Variants in MIA2 observed in about 807,000 individuals in gnomAD.
MIA2 encodes melanoma inhibitory activity protein 2.
A neutral mutation model predicts 167.8 loss-of-function variants in MIA2; 127 were observed. The ratio of observed to expected loss-of-function variants is 0.76; its 90% CI spans 0.66 to 0.88. MIA2 has a LOEUF of 0.88. Ranked by LOEUF, MIA2 falls within the 40% of genes least tolerant of loss-of-function variation. The probability of loss-of-function intolerance (pLI) is 0.00; values close to 1 mark genes in which losing one functional copy is unlikely to be tolerated. For synonymous variants in MIA2, 552 were observed against 541.9 expected (o/e 1.02, Z -0.26); for missense variants, 1,690 against 1,624.7 (o/e 1.04, Z -0.69).
chr14:39,292,577 AAAC>A, intron 10 of MIA2: 1 of 182,462 alleles, frequency 5.5e-6, no homozygotes, highest in Non-Finnish European at 1.2e-5. Context: ...TAATATGTAT[AAAC>A]AAGTTTTTAA....
chr14:39,320,402 A>T, intron 23 of MIA2, among the ~76,000 whole-genome samples: 1 of 152,170 alleles, frequency 6.6e-6, no homozygotes, highest in East Asian at 1.9e-4. Flanking sequence ...TTTACTGGTA[A>T]TGAATCAAAA....
At chr14:39,292,256 A>G (rs979509877) in intron 10 of MIA2, among the ~76,000 whole-genome samples, 1 of 152,222 alleles carries the variant, frequency 6.6e-6, no homozygotes, top group Non-Finnish European at 1.5e-5. Flanking sequence ...GTAGGTAGCA[A>G]AGACATTTAC....
chr14:39,329,630 T>A, intron 25 of MIA2, among the ~76,000 whole-genome samples: 1 of 150,372 alleles, frequency 6.7e-6, no homozygotes, highest in African/African-American at 2.5e-5. Flanking sequence ...TGAGATATGT[T>A]CCATCACTAC....
At position 39,300,079 on chromosome 14, in the gene MIA2, C is replaced by T. The variant is rs375962936; in HGVS notation, c.2619+93C>T. Reference sequence around the variant, plus strand: ...GCTAGTTTTTAGCAACTTTTATTTTCACAACATATTTTCATAACATATTTG... The same window carrying T: ...GCTAGTTTTTAGCAACTTTTATTTTTACAACATATTTTCATAACATATTTG... On this transcript the variant is annotated intron_variant, in intron 14 of 28. Transcript: ENST00000640607. 3.1e-5 allele frequency: 46 copies of T among 1,470,316 alleles called. No individual in the cohort carries two copies. In the East Asian group the frequency reaches 7.8e-4, roughly 25 times the overall value. The allele number at this position is 1,470,316 out of a possible 1,614,324, so 91.1% of individuals were successfully genotyped here. A position where few individuals can be genotyped will look rare whatever the true frequency, so the allele number is the denominator to read the frequency against.
chr14:39,234,241 T>C lies in MIA2; in HGVS notation c.115+12T>C. ...CTTGGAATGTGAAGGTAAGTTTGCT[T>C]CCCCCGCTTCTTCTCCTCCTAAATT... On this transcript the variant is annotated intron_variant, in intron 1 of 28. Transcript: ENST00000640607. The C allele has an allele frequency of 6.5e-7, 1 of 1,537,768 alleles. No individual in the cohort carries two copies. Among genetic ancestry groups the C allele is most frequent in the Non-Finnish European group, 8.9e-7 (1 of 1,117,580 alleles).
chr14:39,315,324 T>TA (rs1413856642), intron 20 of MIA2: 1 of 166,750 alleles, frequency 6.0e-6, no homozygotes, highest in Non-Finnish European at 1.3e-5. Context: ...AAAAATAAAA[T>TA]AAATAAAATT....
chr14:39,277,709 TA>T (rs2058277978), intron 7 of MIA2, among the ~76,000 whole-genome samples: 2 of 7,034 alleles, frequency 2.8e-4, no homozygotes, highest in Non-Finnish European at 4.9e-4. Flanking sequence ...TATATATATA[TA>T]TATATGTGTG....
At chr14:39,235,300 G>T (rs994105472) in intron 1 of MIA2, among the ~76,000 whole-genome samples, 2 of 152,000 alleles carry the variant, frequency 1.3e-5, no homozygotes, top group Non-Finnish European at 2.9e-5. Flanking sequence ...AAGATTACAG[G>T]CATAAGCCAC....
intron 14 of MIA2, among the ~76,000 whole-genome samples, chr14:39,301,007 TAC>T (rs1566819517): frequency 4.1e-5 from 6 of 144,658 alleles, no homozygotes; most frequent in Admixed American, 1.4e-4. Context: ...TATACATATA[TAC>T]ACATATATAC....
At position 39,318,009 on chromosome 14, in the gene MIA2, A is replaced by G; in HGVS notation, c.3282A>G (p.Gln1094=). 1 of 1,576,206 alleles carries G rather than the reference A, an allele frequency of 6.3e-7. No homozygotes were observed. The highest frequency in any genetic ancestry group is 8.6e-7 in the Non-Finnish European group (1 of 1,164,608). Residue 1094 remains glutamine, a splice_region_variant and synonymous_variant, in exon 22 of 29, where the codon CAA becomes CAG. Coordinates refer to ENST00000640607, the MANE Select transcript of MIA2 (RefSeq NM_001329214.4). ...DLRKENAHNR[Q]KLTETELKFE... ...GGAAAGAAAATGCTCACAACAGACA[A>G]AAGTAAGTATCTTAGTGGGAACATT...
intron 25 of MIA2, among the ~76,000 whole-genome samples, chr14:39,332,586 T>C (rs890252331): frequency 3.9e-5 from 6 of 152,202 alleles, no homozygotes; most frequent in South Asian, 2.1e-4. Flanking sequence ...TTATTTACCA[T>C]TGGTCTTTGC....
chr14:39,326,543 G>C (rs73277502), intron 24 of MIA2, among the ~76,000 whole-genome samples: 2,743 of 151,516 alleles, frequency 0.018, 95 homozygotes, highest in African/African-American at 0.063. Flanking sequence ...AAGGAATCAT[G>C]CTCATTTGGA....
At chr14:39,325,787 C>T (rs568155260) in intron 24 of MIA2, among the ~76,000 whole-genome samples, 2 of 151,684 alleles carry the variant, frequency 1.3e-5, no homozygotes, top group Admixed American at 6.6e-5. Context: ...GATCTTGGCT[C>T]ACTGCAACCT....
intron 18 of MIA2, among the ~76,000 whole-genome samples, chr14:39,309,127 C>A (rs1237522002): frequency 6.6e-6 from 1 of 152,168 alleles, no homozygotes; most frequent in Non-Finnish European, 1.5e-5. Flanking sequence ...TTTTTACCAT[C>A]TTCCATATTA....
Position 39,247,957 on chromosome 14 carries a change from G to A in MIA2, c.1383G>A (p.Leu461=). 6.3e-7 allele frequency: 1 copy of A among 1,597,444 alleles called. No individual in the cohort carries two copies. Among genetic ancestry groups the A allele is most frequent in the Non-Finnish European group, 8.5e-7 (1 of 1,176,284 alleles). ...SDTIPYLKKF[L]YNFDNPWNFQ... ...CTATACCATATTTGAAAAAGTTCTT[G>A]TATAATTTTGACAACCCTTGGAACT... Residue 461 remains leucine (L), a synonymous_variant, in exon 4 of 29, where the codon TTG becomes TTA. Transcript: ENST00000640607.
chr14:39,279,246 G>C, intron 7 of MIA2, 91 bp from the exon 8 acceptor site: 1 of 1,046,296 alleles, frequency 9.6e-7, no homozygotes, highest in Non-Finnish European at 1.4e-6. Context: ...TAAGAAACCT[G>C]TATTTCTAAG....
chr14:39,342,359 G>A (rs1259650008), intron 25 of MIA2, among the ~76,000 whole-genome samples: 1 of 152,100 alleles, frequency 6.6e-6, no homozygotes, highest in South Asian at 2.1e-4. Context: ...TTTTATGGCT[G>A]CATAGTATTC....
intron 10 of MIA2, among the ~76,000 whole-genome samples, chr14:39,292,947 C>T (rs187665652): frequency 1.3e-5 from 2 of 151,958 alleles, no homozygotes; most frequent in African/African-American, 4.8e-5. Context: ...CTAATGGGCT[C>T]TCCACTTTTT....
At chr14:39,266,869 C>G (rs1334344179) in intron 6 of MIA2, 4 of 758,414 alleles carry the variant, frequency 5.3e-6, no homozygotes, top group Admixed American at 6.2e-5. Context: ...CGAGACGCCT[C>G]TAGGAGAAGT....
Sources: allele counts gnomAD v4.1 joint callset (sites outside exome capture counted in the v4.1 genomes callset), GRCh38; gene constraint gnomAD v4.1.1; transcripts MANE v1.5; gene names NCBI Gene and HGNC (gene_info 2026-07-23, HGNC 2026-07-21).